The following CLK2 variants were observed in gnomAD, a reference collection of about 807,000 sequenced individuals.
CLK2 encodes the protein CDC like kinase 2.
CLK2 carries 12 observed loss-of-function variants against 73.5 expected under a neutral mutation model. That is an observed-to-expected ratio of 0.16 (90% CI 0.10 to 0.26). The LOEUF is 0.26. Among genes scored for constraint, CLK2 ranks in the 10% least tolerant of loss-of-function variants. The probability of loss-of-function intolerance (pLI) is 1.00; values close to 1 mark genes in which losing one functional copy is unlikely to be tolerated. For missense variants in CLK2, 509 were observed against 688.4 expected (o/e 0.74, Z 2.92); for synonymous variants, 232 against 237.9 (o/e 0.98, Z 0.23).
chr1:155,263,245 C>A lies in CLK2; in HGVS notation c.1473G>T (p.Trp491Cys), dbSNP rs1450579498. The change falls in exon 13 of 13, where the codon TGG becomes TGT. Residue 491 changes from tryptophan (W) to cysteine (C), a missense_variant. Physicochemically the swap from Trp to Cys is radical, Grantham distance 215 (BLOSUM62 -2). Transcript: ENST00000368361. ...ACCGACTGATATCCCGACTGGAGTC[C>A]CACAACTTGTTGGGCGGCTCAGCCC... The part of the protein sequence containing the change: ...RLRAEPPNKL[W>C]DSSRDISR 1 of 1,613,874 alleles carries A rather than the reference C, an allele frequency of 6.2e-7. No homozygotes were observed. Among genetic ancestry groups the A allele is most frequent in the South Asian group, 1.1e-5 (1 of 91,050 alleles).
chr1:155,268,399 A>T lies in CLK2; in HGVS notation c.488-40T>A. ...AGCAGGGTCGGGGAGAGGGAGGGAG[A>T]GAAGGTGGGGAATGAGCTGAGTTGG... On this transcript the variant is annotated intron_variant, in intron 4 of 12. Coordinates refer to ENST00000368361, the MANE Select transcript of CLK2 (RefSeq NM_001294338.2). This position sits in a 1 kb window ranked among gnomAD's most constrained non-coding sequence, Gnocchi z 5.6. The T allele has an allele frequency of 6.4e-7, 1 of 1,570,316 alleles. No homozygotes were observed. The highest frequency in any genetic ancestry group is 1.1e-5 in the South Asian group (1 of 90,098).
At position 155,269,124 on chromosome 1, in the gene CLK2, C is replaced by T. The variant is rs776054939; in HGVS notation, c.400-329G>A. 200 of 573,906 alleles carry T rather than the reference C, an allele frequency of 3.5e-4. 1 individual carries two copies. In the Middle Eastern group the frequency reaches 8.8e-3, roughly 25 times the overall value. The allele number at this position is 573,906 out of a possible 1,614,324, so 35.6% of individuals were successfully genotyped here. A position where few individuals can be genotyped will look rare whatever the true frequency, so the allele number is the denominator to read the frequency against. ...GGGCAGACACAGATCTCCCCTTGCC[C>T]CCACCCAAGCCCGCCTGCCAAGGGG... On this transcript the variant is annotated intron_variant, in intron 3 of 12. Transcript: ENST00000368361.
chr1:155,272,864 A>G (rs1172405305), intron 1 of CLK2, among the ~76,000 whole-genome samples: 1 of 152,154 alleles, frequency 6.6e-6, no homozygotes, highest in Non-Finnish European at 1.5e-5. Flanking sequence ...TTCTTCCTGC[A>G]TGTTCCAAGT....
chr1:155,266,560 G>A (rs1269980909), intron 7 of CLK2, among the ~76,000 whole-genome samples, 169 bp downstream of exon 7: 1 of 152,242 alleles, frequency 6.6e-6, no homozygotes, highest in Non-Finnish European at 1.5e-5. Flanking sequence ...TGACGATAAA[G>A]ACATCAGTCA....
In CLK2 at chr1:155,266,713, G is replaced by A. The variant is rs752280526; in HGVS notation, c.838+16C>T. The A allele has an allele frequency of 3.1e-6, 5 of 1,607,226 alleles. No individual in the cohort carries two copies. The East Asian group carries it at 6.7e-5, about 22-fold the overall frequency. ...GAGGGACTGCCCCAGAGTCCACTTC[G>A]GCCCACCCCACTCACACTTGACAGC... On this transcript the variant is annotated intron_variant, in intron 7 of 12. Coordinates refer to ENST00000368361, the MANE Select transcript of CLK2 (RefSeq NM_001294338.2).
intron 10 of CLK2, 62 bp downstream of exon 10, chr1:155,264,405 CA>C: frequency 6.2e-7 from 1 of 1,602,290 alleles, no homozygotes; most frequent in South Asian, 1.1e-5. Flanking sequence ...AGGTCCTCAG[CA>C]GAAAACAAAG....
Position 155,262,989 on chromosome 1 carries a change from C to G in CLK2, c.*229G>C. The G allele has an allele frequency of 2.2e-6, 1 of 451,076 alleles. No individual in the cohort carries two copies. The highest frequency in any genetic ancestry group is 3.4e-5 in the East Asian group (1 of 29,390). 27.9% of individuals were successfully genotyped at this position (451,076 alleles called of 1,614,324 possible). A position where few individuals can be genotyped will look rare whatever the true frequency, so the allele number is the denominator to read the frequency against. The stretch of plus-strand genomic sequence containing the variant: ...CCCCATCCAACTCCGTATGAGGGGG[C>G]AGGTGAGGGTGGAAACTGTGTGGAT... On this transcript the variant is annotated 3_prime_UTR_variant, in exon 13 of 13. Coordinates refer to ENST00000368361, the MANE Select transcript of CLK2 (RefSeq NM_001294338.2).
Position 155,268,173 on chromosome 1 carries a change from C to G in CLK2, c.555-47G>C. ...TTTTGCTGGGTTCTCAAGAATGTCT[C>G]AAAATGAACAGGGCTGTAGGGGGAC... On this transcript the variant is annotated intron_variant, in intron 5 of 12. Transcript: ENST00000368361. This position sits in a 1 kb window ranked among gnomAD's most constrained non-coding sequence, Gnocchi z 5.6. 6.3e-7 allele frequency: 1 copy of G among 1,580,854 alleles called. No individual in the cohort carries two copies. The highest frequency in any genetic ancestry group is 8.7e-7 in the Non-Finnish European group (1 of 1,149,770).
intron 1 of CLK2, among the ~76,000 whole-genome samples, chr1:155,272,033 T>TTA (rs1673535993): frequency 9.9e-5 from 15 of 151,514 alleles, no homozygotes; most frequent in Non-Finnish European, 2.2e-4. Context: ...TTTTTTTTTT[T>TTA]GAAACGGAGT....
At chr1:155,269,067 C>T (rs1301674625) in intron 3 of CLK2, 3 of 566,730 alleles carry the variant, frequency 5.3e-6, no homozygotes, top group East Asian at 5.8e-5. Context: ...CCAATGTCAC[C>T]CACAACCCCA....
chr1:155,266,959 A>T (rs982325066), intron 6 of CLK2, 64 bp from the exon 7 acceptor site: 1 of 1,560,880 alleles, frequency 6.4e-7, no homozygotes, highest in Non-Finnish European at 8.7e-7. Context: ...TCAGCCATCC[A>T]ACAAGGAGGT....
chr1:155,265,914 A>T lies in CLK2; in HGVS notation c.879T>A (p.Pro293=). ...CTGAATTCACAAACAGAATATTTTCAGGCTTGAGGTCTGTATGTGTCAGCT... is the reference window on the plus strand; with the variant it reads ...CTGAATTCACAAACAGAATATTTTCTGGCTTGAGGTCTGTATGTGTCAGCT... ...DNKLTHTDLK[P]ENILFVNSDY... Residue 293 remains proline (P), a synonymous_variant, in exon 8 of 13, where the codon CCT becomes CCA. Transcript: ENST00000368361. The T allele has an allele frequency of 1.2e-6, 2 of 1,613,220 alleles. No individual in the cohort carries two copies. Among genetic ancestry groups the T allele is most frequent in the South Asian group, 2.2e-5 (2 of 91,068 alleles).
chr1:155,264,016 AC>A lies in CLK2; in HGVS notation c.1250del (p.Gly417ValfsTer26). The part of the protein sequence containing the change: ...KTRKQKYFYR[G>X]RLDWDENTSA... ...ATGTGTTCTCATCCCAATCCAGGCG[AC>A]CCCGGTAAAAATATTTCTGCTTTCT... is the stretch of plus-strand genomic sequence containing the variant. On this transcript the variant is annotated frameshift_variant, in exon 12 of 13. Coordinates refer to ENST00000368361, the MANE Select transcript of CLK2 (RefSeq NM_001294338.2). LOFTEE classifies it high-confidence loss of function. 1 of 1,613,878 alleles carries A rather than the reference AC, an allele frequency of 6.2e-7. No homozygotes were observed. Among genetic ancestry groups the A allele is most frequent in the Non-Finnish European group, 8.5e-7 (1 of 1,179,936 alleles).
rs767387241 is a variant in CLK2, at chr1:155,268,791, T to C, written c.404A>G (p.His135Arg). ...TACACTCTTGGCTCTCCGGCTGCTG[T>C]GCTGCTGTCGGGGGGCAGGGGGGGT... ...SRTFSRSSSQHSSRRAKSVED... is the reference protein window; with the variant it reads ...SRTFSRSSSQRSSRRAKSVED... The change falls in exon 4 of 13, where the codon CAC (histidine) becomes CGC (arginine). Residue 135 changes from histidine to arginine, a missense_variant. Physicochemically the swap from His to Arg is conservative, Grantham distance 29. This residue lies in a region of CLK2 where 222 missense variants were observed against 221.7 expected (regional missense o/e 1.00). Coordinates refer to ENST00000368361, the MANE Select transcript of CLK2 (RefSeq NM_001294338.2). This position sits in a 1 kb window ranked among gnomAD's most constrained non-coding sequence, Gnocchi z 5.6. 1.4e-6 allele frequency: 2 copies of C among 1,433,530 alleles called. No individual in the cohort carries two copies. The highest frequency in any genetic ancestry group is 9.3e-7 in the Non-Finnish European group (1 of 1,072,086). 88.8% of individuals were successfully genotyped at this position (1,433,530 alleles called of 1,614,324 possible). A position where few individuals can be genotyped will look rare whatever the true frequency, so the allele number is the denominator to read the frequency against.
In CLK2 at chr1:155,268,311, T is replaced by C; in HGVS notation, c.536A>G (p.Gln179Arg). 1.2e-6 allele frequency: 2 copies of C among 1,614,108 alleles called. No homozygotes were observed. The highest frequency in any genetic ancestry group is 1.7e-6 in the Non-Finnish European group (2 of 1,179,994). ...CAGTTACCTGCGATGGTCAACACATTGTACAACTCGGCCGAAGGTCCCCTC... is the reference window on the plus strand; with the variant it reads ...CAGTTACCTGCGATGGTCAACACATCGTACAACTCGGCCGAAGGTCCCCTC... Reference protein sequence around the residue: ...LGEGTFGRVVQCVDHRRGGAR... With the variant: ...LGEGTFGRVVRCVDHRRGGAR... Residue 179 changes from glutamine (Q) to arginine (R), a missense_variant, in exon 5 of 13, where the codon CAA becomes CGA. Coordinates refer to ENST00000368361, the MANE Select transcript of CLK2 (RefSeq NM_001294338.2). This position sits in a 1 kb window ranked among gnomAD's most constrained non-coding sequence, Gnocchi z 5.6.
At chr1:155,267,964 G>C in intron 6 of CLK2, 46 bp downstream of exon 6, 1 of 1,327,440 alleles carries the variant, frequency 7.5e-7, no homozygotes, top group Non-Finnish European at 1.1e-6. Context: ...CTCCCGTGTA[G>C]GGGTTGGGGC....
Position 155,268,814 on chromosome 1 carries a change from GGTCGGAGCAAGCCAGGT to G in CLK2, c.400-36_400-20del. 1 of 1,601,160 alleles carries G rather than the reference GGTCGGAGCAAGCCAGGT, an allele frequency of 6.2e-7. No individual in the cohort carries two copies. The highest frequency in any genetic ancestry group is 8.5e-7 in the Non-Finnish European group (1 of 1,172,430). On this transcript the variant is annotated intron_variant, in intron 3 of 12. Coordinates refer to ENST00000368361, the MANE Select transcript of CLK2 (RefSeq NM_001294338.2). This position sits in a 1 kb window ranked among gnomAD's most constrained non-coding sequence, Gnocchi z 5.6. ...TGTGCTGCTGTCGGGGGGCAGGGGG[GGTCGGAGCAAGCCAGGT>G]GTCGGAGCGGGGGCCGGAGGGAGGC...
intron 8 of CLK2, 148 bp downstream of exon 8, chr1:155,265,712 C>T (rs1673202622): frequency 3.0e-6 from 2 of 669,478 alleles, no homozygotes; most frequent in East Asian, 2.7e-5. Flanking sequence ...TTCTCCCTTT[C>T]AACCTATTTA....
At position 155,263,062 on chromosome 1, in the gene CLK2, T is replaced by C. The variant is rs949579628; in HGVS notation, c.*156A>G. Reference sequence around the variant, plus strand: ...AGGGGTTGAAGTGATAGGTACAAGTTCTTTCATATTTACACTATTTCACAT... The same window carrying C: ...AGGGGTTGAAGTGATAGGTACAAGTCCTTTCATATTTACACTATTTCACAT... On this transcript the variant is annotated 3_prime_UTR_variant, in exon 13 of 13. Transcript: ENST00000368361. 2.8e-6 allele frequency: 2 copies of C among 706,188 alleles called. No individual in the cohort carries two copies. The highest frequency in any genetic ancestry group is 4.0e-5 in the South Asian group (2 of 49,492). The allele number at this position is 706,188 out of a possible 1,614,324, so 43.7% of individuals were successfully genotyped here. A position where few individuals can be genotyped will look rare whatever the true frequency, so the allele number is the denominator to read the frequency against.
Sources: gnomAD v4.1 joint callset for allele counts (sites outside exome capture counted in the v4.1 genomes callset) on GRCh38, gnomAD v4.1.1 for gene constraint, gnomAD v4.1.1 regional missense constraint, Gnocchi (gnomAD v3.1) non-coding constraint, MANE v1.5 for transcripts, NCBI Gene and HGNC (gene_info 2026-07-23, HGNC 2026-07-21) for gene names.